INSM1: variants seen among roughly 807,000 people sequenced by gnomAD.
INSM1 encodes INSM transcriptional repressor 1.
Under a neutral mutation model 21.1 loss-of-function variants are expected in INSM1, and 11 were observed. The observed-to-expected ratio is 0.52, with a 90% CI of 0.33 to 0.86. The LOEUF (loss-of-function observed/expected upper bound fraction) is 0.86. INSM1 is among the 40% of genes least tolerant of loss of function. The pLI is 0.03. For missense variants in INSM1, 843 were observed against 760.1 expected, an observed-to-expected ratio of 1.11 and a Z score of -1.28; for synonymous variants, 473 against 386.1, an observed-to-expected ratio of 1.23 and a Z score of -2.64.
Position 20,369,439 on chromosome 20 carries a change from A to T in INSM1, c.1172A>T (p.Gln391Leu). ...CGCAAGCACCTGCTGGCGCACCACC[A>T]GGCGCTGCAGGCCAAGGGCGCGCCG... ...YLRKHLLAHH[Q>L]ALQAKGAPLA... Residue 391 changes from glutamine to leucine, a missense_variant, in exon 1 of 1, where the codon CAG (glutamine) becomes CTG (leucine). Transcript: ENST00000310227. The surrounding 1 kb of genome is among the most constrained non-coding windows in gnomAD (Gnocchi z 5.6). The T allele has an allele frequency of 6.5e-7, 1 of 1,542,824 alleles. No individual in the cohort carries two copies.
chr20:20,369,161 C>A lies in INSM1; in HGVS notation c.894C>A (p.Pro298=). 1 of 1,579,428 alleles carries A rather than the reference C, an allele frequency of 6.3e-7. No individual in the cohort carries two copies. ...SRIVRVEYRC[P]ECAKVFSCPA... ...TCGTGCGTGTGGAGTACCGCTGTCC[C>A]GAGTGCGCCAAGGTCTTCAGCTGCC... The change falls in exon 1 of 1, where the codon CCC becomes CCA. Residue 298 remains proline (P), a synonymous_variant. Coordinates refer to ENST00000310227, the MANE Select transcript of INSM1 (RefSeq NM_002196.3). This position sits in a 1 kb window ranked among gnomAD's most constrained non-coding sequence, Gnocchi z 5.6.
chr20:20,369,028 GGGGCCGCGC>G lies in INSM1; in HGVS notation c.765_773del (p.Arg256_Gly258del). ...AAGGAGGGCCCGGTGGAGGCGCCGC[GGGGCCGCGC>G]GGGGGGCGCGGCGCGGCCGCTGGGC... On this transcript the variant is annotated inframe_deletion, in exon 1 of 1. Coordinates refer to ENST00000310227, the MANE Select transcript of INSM1 (RefSeq NM_002196.3). The surrounding 1 kb of genome is among the most constrained non-coding windows in gnomAD (Gnocchi z 5.6). 1 of 1,530,068 alleles carries G rather than the reference GGGGCCGCGC, an allele frequency of 6.5e-7. No individual in the cohort carries two copies. The highest frequency in any genetic ancestry group is 8.7e-7 in the Non-Finnish European group (1 of 1,144,310). The allele number at this position is 1,530,068 out of a possible 1,614,324, so 94.8% of individuals were successfully genotyped here. A position where few individuals can be genotyped will look rare whatever the true frequency, so the allele number is the denominator to read the frequency against.
rs1338957328 is a variant in INSM1, at chr20:20,368,938, A to G, written c.671A>G (p.Lys224Arg). 6.5e-7 allele frequency: 1 copy of G among 1,547,846 alleles called. No individual in the cohort carries two copies. Among genetic ancestry groups the G allele is most frequent in the Non-Finnish European group, 8.7e-7 (1 of 1,150,768 alleles). ...AAGGCCCCGGGCGCCAAGAAGCCCA[A>G]GGCCATCCGCAAGCTGCACTTCGAG... ...AVKAPGAKKP[K>R]AIRKLHFEDE... The change falls in exon 1 of 1, where the codon AAG (lysine) becomes AGG (arginine). Residue 224 changes from lysine to arginine, a missense_variant. Lys to Arg is a conservative substitution (Grantham distance 26). Coordinates refer to ENST00000310227, the MANE Select transcript of INSM1 (RefSeq NM_002196.3). The surrounding 1 kb of genome is among the most constrained non-coding windows in gnomAD (Gnocchi z 4.3).
chr20:20,368,297 C>A lies in INSM1; in HGVS notation c.30C>A (p.Ser10Arg), dbSNP rs575003914. The A allele has an allele frequency of 3.0e-6, 4 of 1,314,966 alleles. No homozygotes were observed. Among genetic ancestry groups the A allele is most frequent in the Non-Finnish European group, 3.0e-6 (3 of 1,015,666 alleles). The allele number at this position is 1,314,966 out of a possible 1,614,324, so 81.5% of individuals were successfully genotyped here. Residue 10 changes from serine to arginine, a missense_variant, in exon 1 of 1, where the codon AGC becomes AGA. Physicochemically the swap from Ser to Arg is moderately radical, Grantham distance 110. Transcript: ENST00000310227. The surrounding 1 kb of genome is among the most constrained non-coding windows in gnomAD (Gnocchi z 4.3). The stretch of plus-strand genomic sequence containing the variant: ...CCCGCGGCTTCCTGGTGAAGCGCAG[C>A]AAGAAGTCCACGCCCGTTTCCTACC... Reference protein sequence around the residue: MPRGFLVKRSKKSTPVSYRV... With the variant: MPRGFLVKRRKKSTPVSYRV...
Position 20,368,639 on chromosome 20 carries a change from G to T in INSM1, c.372G>T (p.Ser124=). The change falls in exon 1 of 1, where the codon TCG becomes TCT. Residue 124 remains serine (S), a synonymous_variant. Coordinates refer to ENST00000310227, the MANE Select transcript of INSM1 (RefSeq NM_002196.3). This position sits in a 1 kb window ranked among gnomAD's most constrained non-coding sequence, Gnocchi z 4.3. The stretch of plus-strand genomic sequence containing the variant: ...TCGAACGCAGCTTCAACCTGGGCTC[G>T]CCGGTCTCGGCCGAGTCCTTCCCCA... ...KYFERSFNLG[S]PVSAESFPTP... is the part of the protein sequence containing the mutation. 6.9e-7 allele frequency: 1 copy of T among 1,439,582 alleles called. No homozygotes were observed. Among genetic ancestry groups the T allele is most frequent in the Admixed American group, 2.2e-5 (1 of 46,066 alleles). 89.2% of individuals were successfully genotyped at this position (1,439,582 alleles called of 1,614,324 possible).
In INSM1 at chr20:20,368,957, C is replaced by A; in HGVS notation, c.690C>A (p.His230Gln). ...AGCCCAAGGCCATCCGCAAGCTGCA[C>A]TTCGAGGACGAGGTGACCACGTCGC... Reference protein sequence around the residue: ...AKKPKAIRKLHFEDEVTTSPV... With the variant: ...AKKPKAIRKLQFEDEVTTSPV... Residue 230 changes from histidine (H) to glutamine (Q), a missense_variant, in exon 1 of 1, where the codon CAC becomes CAA. His to Gln is a conservative substitution (Grantham distance 24). Transcript: ENST00000310227. This position sits in a 1 kb window ranked among gnomAD's most constrained non-coding sequence, Gnocchi z 4.3. 6.4e-7 allele frequency: 1 copy of A among 1,556,600 alleles called. No homozygotes were observed. The highest frequency in any genetic ancestry group is 8.7e-7 in the Non-Finnish European group (1 of 1,154,576).
chr20:20,368,855 G>T lies in INSM1; in HGVS notation c.588G>T (p.Arg196=). Residue 196 remains arginine (R), a synonymous_variant, in exon 1 of 1, where the codon CGG becomes CGT. Coordinates refer to ENST00000310227, the MANE Select transcript of INSM1 (RefSeq NM_002196.3). This position sits in a 1 kb window ranked among gnomAD's most constrained non-coding sequence, Gnocchi z 4.3. The part of the protein sequence containing the change: ...GPPLPPAAAL[R]PPGKRPPPPT... Reference sequence around the variant, plus strand: ...CACTGCCCCCTGCCGCCGCCCTGCGGCCCCCGGGAAAGCGGCCCCCGCCCC... The same window carrying T: ...CACTGCCCCCTGCCGCCGCCCTGCGTCCCCCGGGAAAGCGGCCCCCGCCCC... 7.4e-7 allele frequency: 1 copy of T among 1,343,348 alleles called. No individual in the cohort carries two copies. The highest frequency in any genetic ancestry group is 9.5e-7 in the Non-Finnish European group (1 of 1,047,630). The allele number at this position is 1,343,348 out of a possible 1,614,324, so 83.2% of individuals were successfully genotyped here. A position where few individuals can be genotyped will look rare whatever the true frequency, so the allele number is the denominator to read the frequency against.
Position 20,369,673 on chromosome 20 carries a change from T to TC in INSM1, c.1410dup (p.Cys471LeufsTer83). The TC allele has an allele frequency of 1.2e-6, 2 of 1,600,486 alleles. No individual in the cohort carries two copies. The highest frequency in any genetic ancestry group is 1.7e-6 in the Non-Finnish European group (2 of 1,179,744). On this transcript the variant is annotated frameshift_variant, in exon 1 of 1. Transcript: ENST00000310227. LOFTEE classifies it high-confidence loss of function. This position sits in a 1 kb window ranked among gnomAD's most constrained non-coding sequence, Gnocchi z 5.6. ...CGCCTGCTGCACGCCGCCCAGGTGTTCCCCTGCAAGTACTGCCCGGCCACC... is the reference window on the plus strand; with the variant it reads ...CGCCTGCTGCACGCCGCCCAGGTGTTCCCCCTGCAAGTACTGCCCGGCCACC...
Position 20,368,141 on chromosome 20 carries a change from C to A in INSM1, c.-127C>A. The A allele has an allele frequency of 1.5e-6, 1 of 657,310 alleles. No individual in the cohort carries two copies. The highest frequency in any genetic ancestry group is 7.0e-5 in the South Asian group (1 of 14,334). 40.7% of individuals were successfully genotyped at this position (657,310 alleles called of 1,614,324 possible). On this transcript the variant is annotated 5_prime_UTR_variant, in exon 1 of 1. Coordinates refer to ENST00000310227, the MANE Select transcript of INSM1 (RefSeq NM_002196.3). The surrounding 1 kb of genome is among the most constrained non-coding windows in gnomAD (Gnocchi z 4.3). The stretch of plus-strand genomic sequence containing the variant: ...GTGCAGGGCGCAGAGCTGGGCCGAG[C>A]CGTCGCCGGCGCCACGCGAGTCCCG...
Position 20,368,284 on chromosome 20 carries a change from TG to T in INSM1, c.19del (p.Val7Ter). On this transcript the variant is annotated frameshift_variant, in exon 1 of 1. Coordinates refer to ENST00000310227, the MANE Select transcript of INSM1 (RefSeq NM_002196.3). LOFTEE classifies it low-confidence loss of function (END_TRUNC). The surrounding 1 kb of genome is among the most constrained non-coding windows in gnomAD (Gnocchi z 4.3). ...CGCGCCAACATGCCCCGCGGCTTCC[TG>T]GTGAAGCGCAGCAAGAAGTCCACGC... is the stretch of plus-strand genomic sequence containing the variant. MPRGF[L>X]VKRSKKSTPV... 7.7e-7 allele frequency: 1 copy of T among 1,298,666 alleles called. No homozygotes were observed. Among genetic ancestry groups the T allele is most frequent in the Non-Finnish European group, 9.9e-7 (1 of 1,008,266 alleles). 80.4% of individuals were successfully genotyped at this position (1,298,666 alleles called of 1,614,324 possible).
At position 20,369,560 on chromosome 20, in the gene INSM1, G is replaced by C. The variant is rs1425017244; in HGVS notation, c.1293G>C (p.Val431=). 6.3e-7 allele frequency: 1 copy of C among 1,590,338 alleles called. No individual in the cohort carries two copies. Among genetic ancestry groups the C allele is most frequent in the Non-Finnish European group, 8.5e-7 (1 of 1,175,262 alleles). ...EAAGDGEGAG[V]LGLSASAECH... ...CCGGCGACGGCGAGGGGGCCGGCGT[G>C]CTGGGCCTGAGTGCGTCCGCCGAGT... The change falls in exon 1 of 1, where the codon GTG becomes GTC. Residue 431 remains valine, a synonymous_variant. Transcript: ENST00000310227. This position sits in a 1 kb window ranked among gnomAD's most constrained non-coding sequence, Gnocchi z 5.6.
chr20:20,369,857 G>C lies in INSM1; in HGVS notation c.*57G>C. 1 of 1,488,840 alleles carries C rather than the reference G, an allele frequency of 6.7e-7. No homozygotes were observed. The allele number at this position is 1,488,840 out of a possible 1,614,324, so 92.2% of individuals were successfully genotyped here. On this transcript the variant is annotated 3_prime_UTR_variant, in exon 1 of 1. Coordinates refer to ENST00000310227, the MANE Select transcript of INSM1 (RefSeq NM_002196.3). This position sits in a 1 kb window ranked among gnomAD's most constrained non-coding sequence, Gnocchi z 5.6. ...GCCTTCGCTTGGAGACCCACAAAGA[G>C]AGTGCGCCCTGCACTCCCCGAACCC... is the stretch of plus-strand genomic sequence containing the variant.
rs761937318 is a variant in INSM1 at position 20,368,942 on chromosome 20, C to T, written c.675C>T (p.Ala225=). The change falls in exon 1 of 1, where the codon GCC becomes GCT. Residue 225 remains alanine, a synonymous_variant. Coordinates refer to ENST00000310227, the MANE Select transcript of INSM1 (RefSeq NM_002196.3). The surrounding 1 kb of genome is among the most constrained non-coding windows in gnomAD (Gnocchi z 4.3). ...VKAPGAKKPK[A]IRKLHFEDEV... Reference sequence around the variant, plus strand: ...CCCCGGGCGCCAAGAAGCCCAAGGCCATCCGCAAGCTGCACTTCGAGGACG... The same window carrying T: ...CCCCGGGCGCCAAGAAGCCCAAGGCTATCCGCAAGCTGCACTTCGAGGACG... The T allele has an allele frequency of 2.3e-5, 36 of 1,550,404 alleles. No homozygotes were observed. In the Middle Eastern group the frequency reaches 9.6e-4, roughly 41 times the overall value.
rs1419109943 is a variant in INSM1 at position 20,369,919 on chromosome 20, C to T, written c.*119C>T. Reference sequence around the variant, plus strand: ...GGGGGAGCCTCGCCCCCGCCCCCACCGGGTGAAAGTGTCGTCTCCGCTTCT... The same window carrying T: ...GGGGGAGCCTCGCCCCCGCCCCCACTGGGTGAAAGTGTCGTCTCCGCTTCT... On this transcript the variant is annotated 3_prime_UTR_variant, in exon 1 of 1. Coordinates refer to ENST00000310227, the MANE Select transcript of INSM1 (RefSeq NM_002196.3). The surrounding 1 kb of genome is among the most constrained non-coding windows in gnomAD (Gnocchi z 5.6). 8 of 836,324 alleles carry T rather than the reference C, an allele frequency of 9.6e-6. No individual in the cohort carries two copies. In the South Asian group the frequency reaches 1.1e-4, roughly 12 times the overall value. 51.8% of individuals were successfully genotyped at this position (836,324 alleles called of 1,614,324 possible).
At position 20,369,612 on chromosome 20, in the gene INSM1, T is replaced by A; in HGVS notation, c.1345T>A (p.Ser449Thr). ...ECHLCPVCGE[S>T]FASKGAQERH... The stretch of plus-strand genomic sequence containing the variant: ...CCACCTGTGCCCAGTGTGCGGAGAG[T>A]CGTTCGCCAGCAAGGGCGCTCAGGA... The change falls in exon 1 of 1, where the codon TCG becomes ACG. Residue 449 changes from serine to threonine, a missense_variant. Physicochemically the swap from Ser to Thr is moderately conservative, Grantham distance 58. Transcript: ENST00000310227. This position sits in a 1 kb window ranked among gnomAD's most constrained non-coding sequence, Gnocchi z 5.6. 4 of 1,599,940 alleles carry A rather than the reference T, an allele frequency of 2.5e-6. No individual in the cohort carries two copies. Among genetic ancestry groups the A allele is most frequent in the Non-Finnish European group, 3.4e-6 (4 of 1,179,446 alleles).
In INSM1 at chr20:20,369,168, G is replaced by A; in HGVS notation, c.901G>A (p.Ala301Thr). 1.3e-6 allele frequency: 2 copies of A among 1,575,662 alleles called. No homozygotes were observed. Among genetic ancestry groups the A allele is most frequent in the Middle Eastern group, 3.4e-4 (2 of 5,904 alleles). The change falls in exon 1 of 1, where the codon GCC becomes ACC. Residue 301 changes from alanine to threonine, a missense_variant. Ala to Thr is a moderately conservative substitution (Grantham distance 58, BLOSUM62 0). Transcript: ENST00000310227. The surrounding 1 kb of genome is among the most constrained non-coding windows in gnomAD (Gnocchi z 5.6). The part of the protein sequence containing the change: ...VRVEYRCPEC[A>T]KVFSCPANLA... ...TGTGGAGTACCGCTGTCCCGAGTGC[G>A]CCAAGGTCTTCAGCTGCCCGGCCAA...
Position 20,370,043 on chromosome 20 carries a change from G to C in INSM1, c.*243G>C, listed in dbSNP as rs1367087387. ...CCTCCGCCTCCCCCATGGCGCAACA[G>C]GAGTCAGTCTCTTTCTGTACAAGGG... On this transcript the variant is annotated 3_prime_UTR_variant, in exon 1 of 1. Transcript: ENST00000310227. 1.9e-6 allele frequency: 1 copy of C among 521,578 alleles called. No homozygotes were observed. Among genetic ancestry groups the C allele is most frequent in the Non-Finnish European group, 3.4e-6 (1 of 290,326 alleles). The allele number at this position is 521,578 out of a possible 1,614,324, so 32.3% of individuals were successfully genotyped here.
In INSM1 at chr20:20,369,863, GC is replaced by G; in HGVS notation, c.*66del. The G allele has an allele frequency of 7.0e-7, 1 of 1,428,448 alleles. No homozygotes were observed. Among genetic ancestry groups the G allele is most frequent in the Non-Finnish European group, 9.4e-7 (1 of 1,058,488 alleles). The allele number at this position is 1,428,448 out of a possible 1,614,324, so 88.5% of individuals were successfully genotyped here. ...GCTTGGAGACCCACAAAGAGAGTGCGCCCTGCACTCCCCGAACCCGAGTCCG... is the reference window on the plus strand; with the variant it reads ...GCTTGGAGACCCACAAAGAGAGTGCGCCTGCACTCCCCGAACCCGAGTCCG... On this transcript the variant is annotated 3_prime_UTR_variant, in exon 1 of 1. Transcript: ENST00000310227. The surrounding 1 kb of genome is among the most constrained non-coding windows in gnomAD (Gnocchi z 5.6).
chr20:20,370,134 T>G lies in INSM1; in HGVS notation c.*334T>G. 3.5e-6 allele frequency: 1 copy of G among 288,484 alleles called. No homozygotes were observed. The highest frequency in any genetic ancestry group is 6.8e-6 in the Non-Finnish European group (1 of 146,160). 17.9% of individuals were successfully genotyped at this position (288,484 alleles called of 1,614,324 possible). ...CCTTGGCGGGGAGAAGCTTTTTTTC[T>G]TGCTAGTATTCGCTGTGTTCATGGT... is the stretch of plus-strand genomic sequence containing the variant. On this transcript the variant is annotated 3_prime_UTR_variant, in exon 1 of 1. Transcript: ENST00000310227.
Sources: gnomAD v4.1 joint callset for allele counts on GRCh38, gnomAD v4.1.1 for gene constraint, Gnocchi (gnomAD v3.1) non-coding constraint, MANE v1.5 for transcripts, NCBI Gene and HGNC (gene_info 2026-07-23, HGNC 2026-07-21) for gene names.